FRYL: variants seen among roughly 807,000 people sequenced by gnomAD.
The protein encoded by FRYL is protein furry homolog-like.
Under a neutral mutation model 351.2 loss-of-function variants are expected in FRYL, and 150 were observed. The ratio of observed to expected loss-of-function variants is 0.43; its 90% CI spans 0.37 to 0.49. The LOEUF (loss-of-function observed/expected upper bound fraction) is 0.49, where lower values mean the gene tolerates loss of function less well. Ranked by LOEUF, FRYL falls within the 20% of genes least tolerant of loss-of-function variation. FRYL has a pLI of 0.00. For synonymous variants in FRYL, 1,153 were observed against 1,257.1 expected, an observed-to-expected ratio of 0.92 and a Z score of 1.75; for missense variants, 3,036 against 3,619.3, an observed-to-expected ratio of 0.84 and a Z score of 4.13.
chr4:48,710,385 T>G (rs1038845889), intron 2 of FRYL, 134 bp downstream of exon 2: 1 of 392,120 alleles, frequency 2.6e-6, no homozygotes, highest in Non-Finnish European at 4.5e-6. Context: ...AAAAAATGTT[T>G]TGAGGTCTTG....
Position 48,546,272 on chromosome 4 carries a change from C to T in FRYL, c.5075-1G>A. 1 of 1,608,778 alleles carries T rather than the reference C, an allele frequency of 6.2e-7. No individual in the cohort carries two copies. The highest frequency in any genetic ancestry group is 8.5e-7 in the Non-Finnish European group (1 of 1,175,572). On this transcript the variant is annotated splice_acceptor_variant, in intron 41 of 63. Transcript: ENST00000358350. LOFTEE classifies it high-confidence loss of function. ...TCAGGTATAAAATCGTTAATGCCTG[C>T]TGAAAGAGAAAGATCGTCATGAATA...
chr4:48,505,823 T>TG (rs1720790807), intron 59 of FRYL: 1 of 481,394 alleles, frequency 2.1e-6, no homozygotes, highest in Non-Finnish European at 3.7e-6. Flanking sequence ...GGCACACACT[T>TG]GTGACAGCTA....
At chr4:48,615,607 A>C (rs567019902) in intron 7 of FRYL, among the ~76,000 whole-genome samples, 104 of 152,348 alleles carry the variant, frequency 6.8e-4, no homozygotes, top group African/African-American at 2.5e-3. Flanking sequence ...GCATTACCCC[A>C]AATTTATTCT....
intron 56 of FRYL, among the ~76,000 whole-genome samples, chr4:48,513,438 A>C (rs773332043): frequency 2.6e-5 from 4 of 152,242 alleles, no homozygotes; most frequent in Non-Finnish European, 5.9e-5. Context: ...TTATACAAAC[A>C]AAAATGAACA....
chr4:48,588,421 T>C (rs138268871), intron 18 of FRYL, among the ~76,000 whole-genome samples: 2 of 152,322 alleles, frequency 1.3e-5, no homozygotes, highest in East Asian at 3.9e-4. Context: ...TTTAATGTGG[T>C]TGATTCAGGT....
rs201933236 is a variant in FRYL at position 48,544,724 on chromosome 4, A to G, written c.5401+59T>C. On this transcript the variant is annotated intron_variant, in intron 43 of 63. Coordinates refer to ENST00000358350, the MANE Select transcript of FRYL (RefSeq NM_015030.2). ...AACTATTAACTTTTTGCTAAGCATT[A>G]TCAGAAATTGACATCACATTAAAAT... The G allele has an allele frequency of 3.2e-3, 4,518 of 1,430,674 alleles. 22 individuals carry two copies. The highest frequency in any genetic ancestry group is 0.015 in the South Asian group (1,023 of 67,656). The allele number at this position is 1,430,674 out of a possible 1,614,324, so 88.6% of individuals were successfully genotyped here.
chr4:48,700,054 G>GC (rs1156749834), intron 2 of FRYL, among the ~76,000 whole-genome samples: 2 of 152,154 alleles, frequency 1.3e-5, no homozygotes, highest in African/African-American at 2.4e-5. Flanking sequence ...CACTGCACTA[G>GC]GCAGTGAGAG....
intron 49 of FRYL, among the ~76,000 whole-genome samples, chr4:48,532,946 A>G (rs1302903339): frequency 6.6e-6 from 1 of 152,238 alleles, no homozygotes; most frequent in Non-Finnish European, 1.5e-5. Flanking sequence ...AAATCTGGAA[A>G]AAAAATTGAG....
chr4:48,734,299 G>C (rs1325562313), intron 1 of FRYL, among the ~76,000 whole-genome samples: 2 of 152,178 alleles, frequency 1.3e-5, no homozygotes, highest in African/African-American at 2.4e-5. Flanking sequence ...AGCAAGGAAA[G>C]TTCTCAAAGA....
At chr4:48,540,187 G>A (rs537093836) in intron 46 of FRYL, 119 bp from the exon 47 acceptor site, 477 of 1,129,650 alleles carry the variant, frequency 4.2e-4, no homozygotes, top group Non-Finnish European at 5.5e-4. Context: ...TGGGATATTC[G>A]ATCTTCTAAT....
intron 3 of FRYL, among the ~76,000 whole-genome samples, chr4:48,662,514 T>C (rs978016840): frequency 6.6e-6 from 1 of 152,076 alleles, no homozygotes; most frequent in South Asian, 2.1e-4. Context: ...TAAAATTGAC[T>C]GGCTAAACCC....
intron 53 of FRYL, among the ~76,000 whole-genome samples, chr4:48,526,998 T>G (rs1726388993): frequency 1.3e-5 from 2 of 152,186 alleles, no homozygotes; most frequent in African/African-American, 4.8e-5. Context: ...TAGTGGTAAG[T>G]GTGTATATGA....
chr4:48,503,501 T>C (rs1720191038), intron 60 of FRYL, among the ~76,000 whole-genome samples: 1 of 152,202 alleles, frequency 6.6e-6, no homozygotes, highest in Non-Finnish European at 1.5e-5. Flanking sequence ...TGAATCAACA[T>C]AATGTATGTA....
intron 3 of FRYL, among the ~76,000 whole-genome samples, chr4:48,677,534 C>A (rs1763909308): frequency 6.6e-6 from 1 of 151,958 alleles, no homozygotes; most frequent in Non-Finnish European, 1.5e-5. Flanking sequence ...CCTCAGCTTC[C>A]CAAGTAGCTG....
chr4:48,581,646 G>A, intron 20 of FRYL, 41 bp from the exon 21 acceptor site: 2 of 1,499,304 alleles, frequency 1.3e-6, no homozygotes, highest in Non-Finnish European at 1.8e-6. Context: ...AAAAATATAT[G>A]CACAGACATT....
intron 2 of FRYL, 110 bp downstream of exon 2, chr4:48,710,409 T>G: frequency 2.7e-6 from 1 of 367,906 alleles, no homozygotes; most frequent in Non-Finnish European, 4.8e-6. Context: ...AATCTGATGT[T>G]TTTGCCACTT....
intron 1 of FRYL, among the ~76,000 whole-genome samples, chr4:48,768,747 C>T (rs1395826535): frequency 2.0e-5 from 3 of 151,500 alleles, no homozygotes; most frequent in Non-Finnish European, 4.4e-5. Flanking sequence ...ATGTTGAGTG[C>T]GCCATTGCAC....
chr4:48,688,480 C>T (rs1765375293), intron 2 of FRYL, among the ~76,000 whole-genome samples: 1 of 151,996 alleles, frequency 6.6e-6, no homozygotes, highest in Admixed American at 6.6e-5. Context: ...TGGTAAAAAT[C>T]ATTTTAAAAA....
chr4:48,617,235 C>T (rs1749671488), intron 7 of FRYL, among the ~76,000 whole-genome samples: 1 of 151,624 alleles, frequency 6.6e-6, no homozygotes. Flanking sequence ...GATTAGCTAT[C>T]AAGGCCACTG....
Sources: allele counts gnomAD v4.1 joint callset (sites outside exome capture counted in the v4.1 genomes callset), GRCh38; gene constraint gnomAD v4.1.1; transcripts MANE v1.5; gene names NCBI Gene and HGNC (gene_info 2026-07-23, HGNC 2026-07-21).